Variants in KAT6A observed in about 807,000 individuals in gnomAD.
KAT6A encodes the protein lysine acetyltransferase 6A.
KAT6A carries 9 observed loss-of-function variants against 198.4 expected under a neutral mutation model. The ratio of observed to expected loss-of-function variants is 0.05; its 90% CI spans 0.03 to 0.08. KAT6A has a LOEUF of 0.08. Ranked by LOEUF, KAT6A falls within the 10% of genes least tolerant of loss-of-function variation. KAT6A has a pLI of 1.00. For missense variants in KAT6A, 2,077 were observed against 2,509.9 expected (o/e 0.83, Z 3.69); for synonymous variants, 890 against 883.0 (o/e 1.01, Z -0.14).
chr8:41,967,704 C>T (rs1823580722), intron 8 of KAT6A, among the ~76,000 whole-genome samples: 1 of 152,012 alleles, frequency 6.6e-6, no homozygotes, highest in African/African-American at 2.4e-5. Flanking sequence ...CATTGTTGGA[C>T]ATTTGGGTTG....
At chr8:42,044,344 C>T (rs528981348) in intron 2 of KAT6A, among the ~76,000 whole-genome samples, 6 of 151,378 alleles carry the variant, frequency 4.0e-5, no homozygotes, top group Non-Finnish European at 7.4e-5. Flanking sequence ...GGTGATCCAC[C>T]CCCCCCTCGG....
chr8:42,046,839 A>G (rs1802334602), intron 2 of KAT6A, among the ~76,000 whole-genome samples: 1 of 152,228 alleles, frequency 6.6e-6, no homozygotes, highest in South Asian at 2.1e-4. Flanking sequence ...CATTTTATGA[A>G]TGAGATTCTC....
intron 8 of KAT6A, among the ~76,000 whole-genome samples, chr8:41,970,093 T>C (rs1823709909): frequency 7.0e-6 from 1 of 142,092 alleles, no homozygotes; most frequent in Non-Finnish European, 1.6e-5. Context: ...TTTTTATGAG[T>C]GTTTATTATC....
At chr8:41,985,679 G>T (rs998344358) in intron 3 of KAT6A, among the ~76,000 whole-genome samples, 2 of 152,150 alleles carry the variant, frequency 1.3e-5, no homozygotes, top group African/African-American at 4.8e-5. Flanking sequence ...TAACTCCTCA[G>T]ATGGGTCAGT....
At chr8:42,040,181 T>TA (rs932644970) in intron 2 of KAT6A, among the ~76,000 whole-genome samples, 4 of 152,174 alleles carry the variant, frequency 2.6e-5, no homozygotes, top group Middle Eastern at 6.8e-3. Flanking sequence ...AAAAAGTCCC[T>TA]AACACATCAT....
chr8:42,046,263 C>T (rs144334600), intron 2 of KAT6A, among the ~76,000 whole-genome samples: 2,255 of 152,192 alleles, frequency 0.015, 52 homozygotes, highest in African/African-American at 0.051. Context: ...AGGCCAGGCA[C>T]GGTGGCTCAA....
Position 41,933,845 on chromosome 8 carries a change from A to T in KAT6A, c.4375T>A (p.Tyr1459Asn). 6.2e-7 allele frequency: 1 copy of T among 1,614,034 alleles called. No homozygotes were observed. Among genetic ancestry groups the T allele is most frequent in the Non-Finnish European group, 8.5e-7 (1 of 1,180,000 alleles). The change falls in exon 17 of 17, where the codon TAC becomes AAC. Residue 1459 changes from tyrosine to asparagine, a missense_variant. Coordinates refer to ENST00000265713, the MANE Select transcript of KAT6A (RefSeq NM_006766.5). The surrounding 1 kb of genome is among the most constrained non-coding windows in gnomAD (Gnocchi z 6.2). Reference protein sequence around the residue: ...TLAACQTLQSYTQADEDPQMS... With the variant: ...TLAACQTLQSNTQADEDPQMS... ...TGAGGGTCCTCGTCAGCCTGGGTGT[A>T]ACTCTGCAGGGTCTGACACGCCGCA...
chr8:41,938,251 C>T (rs1199218068), intron 15 of KAT6A, among the ~76,000 whole-genome samples: 1 of 152,218 alleles, frequency 6.6e-6, no homozygotes, highest in African/African-American at 2.4e-5. Flanking sequence ...GGGTATAGGA[C>T]TTGCTTAAGT....
At chr8:42,000,770 G>A (rs1484271421) in intron 2 of KAT6A, among the ~76,000 whole-genome samples, 1 of 152,158 alleles carries the variant, frequency 6.6e-6, no homozygotes, top group African/African-American at 2.4e-5. Context: ...GCAAGGTTCT[G>A]CTATCAGAAT....
intron 2 of KAT6A, among the ~76,000 whole-genome samples, chr8:42,042,830 T>C (rs939849783): frequency 2.6e-5 from 4 of 152,200 alleles, no homozygotes; most frequent in Non-Finnish European, 4.4e-5. Context: ...GGGCTAGTAA[T>C]ACAGAACACA....
intron 2 of KAT6A, among the ~76,000 whole-genome samples, chr8:42,006,487 T>C (rs956220745): frequency 1.3e-5 from 2 of 152,182 alleles, no homozygotes; most frequent in African/African-American, 2.4e-5. Context: ...AGATTTCAGA[T>C]GTTTTTTGGA....
At chr8:42,006,325 G>A (rs1411623231) in intron 2 of KAT6A, among the ~76,000 whole-genome samples, 1 of 152,190 alleles carries the variant, frequency 6.6e-6, no homozygotes, top group African/African-American at 2.4e-5. Flanking sequence ...TACCTGGAAT[G>A]TAAAACTAGA....
At chr8:42,016,988 A>G (rs1299851287) in intron 2 of KAT6A, among the ~76,000 whole-genome samples, 1 of 152,158 alleles carries the variant, frequency 6.6e-6, no homozygotes, top group East Asian at 1.9e-4. Flanking sequence ...CTACTTCAAT[A>G]AAAAGATACT....
intron 8 of KAT6A, chr8:41,956,922 T>C: frequency 2.4e-6 from 1 of 411,484 alleles, no homozygotes; most frequent in East Asian, 5.1e-5. Flanking sequence ...TATCTTTTCA[T>C]CTATCTTCAC....
At position 41,964,215 on chromosome 8, in the gene KAT6A, CTAA is replaced by C. The variant is rs1823345240; in HGVS notation, c.1483-8807_1483-8805del. On this transcript the variant is annotated intron_variant, in intron 8 of 16. Transcript: ENST00000265713. ...TATAACTCTAGGTAAAACAATCCTT[CTAA>C]TGTTTCCATTTCTTCATTTGTAAGA... 4.6e-5 allele frequency among the ~76,000 whole-genome samples: 7 copies of C among 152,118 alleles called. No individual in the cohort carries two copies. In the South Asian group the frequency reaches 1.4e-3, roughly 31 times the overall value.
In KAT6A at chr8:41,930,270, A is replaced by T. The variant is rs1448784365; in HGVS notation, c.*1935T>A. On this transcript the variant is annotated 3_prime_UTR_variant, in exon 17 of 17. Coordinates refer to ENST00000265713, the MANE Select transcript of KAT6A (RefSeq NM_006766.5). ...CCCGACCCACCCCGTCCCCACCCCA[A>T]CCAGGAAGCAATGACACAGCTGAAG... 8.0e-6 allele frequency: 1 copy of T among 124,370 alleles called. No individual in the cohort carries two copies. Among genetic ancestry groups the T allele is most frequent in the Non-Finnish European group, 1.6e-5 (1 of 61,240 alleles). The allele number at this position is 124,370 out of a possible 1,614,324, so 7.7% of individuals were successfully genotyped here.
intron 2 of KAT6A, among the ~76,000 whole-genome samples, chr8:42,024,965 T>G (rs1330072043): frequency 6.6e-6 from 1 of 152,194 alleles, no homozygotes; most frequent in Non-Finnish European, 1.5e-5. Flanking sequence ...AAACACCTAA[T>G]AGTGGAACTG....
intron 2 of KAT6A, among the ~76,000 whole-genome samples, chr8:42,041,994 T>C (rs1827692289): frequency 6.6e-6 from 1 of 152,206 alleles, no homozygotes; most frequent in Admixed American, 6.5e-5. Flanking sequence ...TTTTATACAG[T>C]ATCAACGCAA....
intron 2 of KAT6A, among the ~76,000 whole-genome samples, chr8:42,035,742 G>C (rs1827342948): frequency 1.3e-5 from 2 of 152,180 alleles, no homozygotes; most frequent in Admixed American, 6.5e-5. Flanking sequence ...AGGGCCAAAA[G>C]CCAGATTGCA....
Sources: gnomAD v4.1 joint callset for allele counts (sites outside exome capture counted in the v4.1 genomes callset) on GRCh38, gnomAD v4.1.1 for gene constraint, Gnocchi (gnomAD v3.1) non-coding constraint, MANE v1.5 for transcripts, NCBI Gene and HGNC (gene_info 2026-07-23, HGNC 2026-07-21) for gene names.